Variants in ADGRA2 observed in about 807,000 individuals in gnomAD.
ADGRA2 encodes the protein G-protein coupled receptor 124.
Under a neutral mutation model 98.7 loss-of-function variants are expected in ADGRA2, and 61 were observed. That is an observed-to-expected ratio of 0.62 (90% confidence interval 0.50 to 0.76). ADGRA2 has a LOEUF of 0.76. ADGRA2 is among the 30% of genes least tolerant of loss of function. ADGRA2 has a pLI of 0.00. For synonymous variants in ADGRA2, 858 were observed against 831.5 expected (o/e 1.03, Z -0.55); for missense variants, 1,712 against 1,860.0 (o/e 0.92, Z 1.46).
rs536977880 is a variant in ADGRA2 at position 37,809,629 on chromosome 8, G to A, written c.267-5267G>A. On this transcript the variant is annotated intron_variant, in intron 1 of 18. Transcript: ENST00000412232. ...GCCTTTGCCTGGTGCCTGCATCTGCGAGTGGGTCAGAGGGTGGGGCATCAG... is the reference window on the plus strand; with the variant it reads ...GCCTTTGCCTGGTGCCTGCATCTGCAAGTGGGTCAGAGGGTGGGGCATCAG... 3.9e-5 allele frequency among the ~76,000 whole-genome samples: 6 copies of A among 152,222 alleles called. 1 individual carries two copies. Among genetic ancestry groups the A allele is most frequent in the East Asian group, 3.8e-4 (2 of 5,198 alleles).
At chr8:37,817,846 G>A (rs1455152119) in intron 2 of ADGRA2, among the ~76,000 whole-genome samples, 1 of 152,126 alleles carries the variant, frequency 6.6e-6, no homozygotes, top group African/African-American at 2.4e-5. Flanking sequence ...GTGAAACCCT[G>A]TCTCTACTAA....
chr8:37,835,492 C>A, intron 12 of ADGRA2, 62 bp from the exon 13 acceptor site: 2 of 1,489,444 alleles, frequency 1.3e-6, no homozygotes. Flanking sequence ...GAGGAGGGGG[C>A]TGCAAGACAT....
rs1419926014 is a variant in ADGRA2 at position 37,844,801 on chromosome 8, C to T, written c.*2446C>T. 1.2e-6 allele frequency: 2 copies of T among 1,614,056 alleles called. No homozygotes were observed. The highest frequency in any genetic ancestry group is 8.5e-7 in the Non-Finnish European group (1 of 1,180,046). On this transcript the variant is annotated 3_prime_UTR_variant, in exon 19 of 19. Coordinates refer to ENST00000412232, the MANE Select transcript of ADGRA2 (RefSeq NM_032777.10). The stretch of plus-strand genomic sequence containing the variant: ...TCCTTCTCTCGGGTCTCCACTTCTG[C>T]TGTCCCATCCCGAAAGGCAGAGCGG...
At chr8:37,820,805 C>G (rs550488154) in intron 2 of ADGRA2, among the ~76,000 whole-genome samples, 1 of 151,922 alleles carries the variant, frequency 6.6e-6, no homozygotes, top group Non-Finnish European at 1.5e-5. Context: ...AGTAGATCTG[C>G]GTGGTATCTG....
chr8:37,829,066 C>G (rs1196287671), intron 3 of ADGRA2, 107 bp downstream of exon 3: 4 of 859,174 alleles, frequency 4.7e-6, no homozygotes, highest in African/African-American at 1.7e-5. Context: ...ACACCTGCCC[C>G]TCCTTTCCGC....
In ADGRA2 at chr8:37,822,672, G is replaced by T. The variant is rs566843490; in HGVS notation, c.339-6216G>T. Among the ~76,000 whole-genome samples, 28 of 152,194 alleles carry T rather than the reference G, an allele frequency of 1.8e-4. 1 individual carries two copies. The South Asian group carries it at 5.6e-3, about 30-fold the overall frequency. ...ACCACTAATCTGCTTTCTGTCTATA[G>T]ATCTATAAATCTGCCTGTTCTGGAC... On this transcript the variant is annotated intron_variant, in intron 2 of 18. Transcript: ENST00000412232.
intron 1 of ADGRA2, among the ~76,000 whole-genome samples, chr8:37,808,408 A>G (rs1804738561): frequency 6.6e-6 from 1 of 152,166 alleles, no homozygotes; most frequent in Non-Finnish European, 1.5e-5. Flanking sequence ...TGGGGGTTGA[A>G]GAGGGCCGAG....
chr8:37,809,541 A>C (rs1804768079), intron 1 of ADGRA2, among the ~76,000 whole-genome samples: 1 of 152,220 alleles, frequency 6.6e-6, no homozygotes, highest in Non-Finnish European at 1.5e-5. Flanking sequence ...AATCTGCCTG[A>C]GGTCTTTCCA....
intron 17 of ADGRA2, 146 bp downstream of exon 17, chr8:37,840,412 G>A: frequency 1.2e-6 from 1 of 843,802 alleles, no homozygotes; most frequent in Non-Finnish European, 1.9e-6. Context: ...AGACTCAGCA[G>A]GTCACACAAG....
chr8:37,800,810 ATTTATTTAT>A (rs1366836515), intron 1 of ADGRA2, among the ~76,000 whole-genome samples: 3 of 152,076 alleles, frequency 2.0e-5, no homozygotes, highest in African/African-American at 4.8e-5. Context: ...TTCGTACTTT[ATTTATTTAT>A]TTTTTCCTGC....
chr8:37,841,466 G>C lies in ADGRA2; in HGVS notation c.3128G>C (p.Arg1043Pro). Residue 1043 changes from arginine to proline, a missense_variant, in exon 19 of 19, where the codon CGC (arginine) becomes CCC (proline). Physicochemically the swap from Arg to Pro is moderately radical, Grantham distance 103 (BLOSUM62 -2). Coordinates refer to ENST00000412232, the MANE Select transcript of ADGRA2 (RefSeq NM_032777.10). The surrounding 1 kb of genome is among the most constrained non-coding windows in gnomAD (Gnocchi z 5.0). ...WACGALAVSQRWLPRVVCSCL... is the reference protein window; with the variant it reads ...WACGALAVSQPWLPRVVCSCL... Reference sequence around the variant, plus strand: ...TGCGGGGCTCTGGCAGTGTCCCAGCGCTGGCTGCCCCGGGTGGTGTGCAGC... The same window carrying C: ...TGCGGGGCTCTGGCAGTGTCCCAGCCCTGGCTGCCCCGGGTGGTGTGCAGC... 1 of 1,613,018 alleles carries C rather than the reference G, an allele frequency of 6.2e-7. No homozygotes were observed. Among genetic ancestry groups the C allele is most frequent in the South Asian group, 1.1e-5 (1 of 90,996 alleles).
chr8:37,798,249 G>A (rs1424154934), intron 1 of ADGRA2, among the ~76,000 whole-genome samples: 1 of 152,236 alleles, frequency 6.6e-6, no homozygotes, highest in African/African-American at 2.4e-5. Flanking sequence ...TCTCCTGGAA[G>A]TAACTCGAGC....
At position 37,841,823 on chromosome 8, in the gene ADGRA2, C is replaced by G. The variant is rs1257884306; in HGVS notation, c.3485C>G (p.Ala1162Gly). Residue 1162 changes from alanine (A) to glycine (G), a missense_variant, in exon 19 of 19, where the codon GCG (alanine) becomes GGG (glycine). Coordinates refer to ENST00000412232, the MANE Select transcript of ADGRA2 (RefSeq NM_032777.10). The surrounding 1 kb of genome is among the most constrained non-coding windows in gnomAD (Gnocchi z 5.0). ...AAGGEGEPEP[A>G]GTRGNLAHRH... ...GGCGGGGAAGGAGAGCCGGAGCCGG[C>G]GGGCACCCGGGGAAACCTCGCCCAC... 5.9e-6 allele frequency: 9 copies of G among 1,529,776 alleles called. No individual in the cohort carries two copies. The highest frequency in any genetic ancestry group is 7.0e-6 in the Non-Finnish European group (8 of 1,144,018). The allele number at this position is 1,529,776 out of a possible 1,614,324, so 94.8% of individuals were successfully genotyped here. A position where few individuals can be genotyped will look rare whatever the true frequency, so the allele number is the denominator to read the frequency against.
chr8:37,838,753 G>A (rs981332903), intron 14 of ADGRA2, among the ~76,000 whole-genome samples: 1 of 152,192 alleles, frequency 6.6e-6, no homozygotes, highest in African/African-American at 2.4e-5. Context: ...AAGCAGGACT[G>A]GAGGCAGGGA....
intron 1 of ADGRA2, among the ~76,000 whole-genome samples, chr8:37,813,899 A>C (rs1804911182): frequency 6.6e-6 from 1 of 151,488 alleles, no homozygotes; most frequent in South Asian, 2.1e-4. Flanking sequence ...GTTCCTTCCC[A>C]CTTCCCCCTC....
Position 37,830,128 on chromosome 8 carries a change from T to G in ADGRA2, c.718+114T>G. 2.1e-5 allele frequency: 13 copies of G among 620,076 alleles called. No individual in the cohort carries two copies. The highest frequency in any genetic ancestry group is 3.2e-5 in the Non-Finnish European group (12 of 373,704). 38.4% of individuals were successfully genotyped at this position (620,076 alleles called of 1,614,324 possible). A position where few individuals can be genotyped will look rare whatever the true frequency, so the allele number is the denominator to read the frequency against. ...CAGGTTTTTACCTTTGTATTGCAAT[T>G]TGCAAAAGACCACGACACTGAGTCC... is the stretch of plus-strand genomic sequence containing the variant. On this transcript the variant is annotated intron_variant, in intron 6 of 18. Coordinates refer to ENST00000412232, the MANE Select transcript of ADGRA2 (RefSeq NM_032777.10). The surrounding 1 kb of genome is among the most constrained non-coding windows in gnomAD (Gnocchi z 4.8).
At chr8:37,826,326 C>A (rs1350526100) in intron 2 of ADGRA2, among the ~76,000 whole-genome samples, 1 of 151,978 alleles carries the variant, frequency 6.6e-6, no homozygotes, top group Admixed American at 6.5e-5. Flanking sequence ...TGGGGTCTGG[C>A]GGCAAAACGG....
Position 37,829,576 on chromosome 8 carries a change from A to G in ADGRA2, c.554+17A>G. On this transcript the variant is annotated intron_variant, in intron 5 of 18. Transcript: ENST00000412232. ...TAAGGTTGTGTGAGTATCTCTTCCT[A>G]GCTCAAGGACCCAGACCCCTGTCCC... 1.9e-6 allele frequency: 3 copies of G among 1,573,430 alleles called. No homozygotes were observed. The highest frequency in any genetic ancestry group is 2.7e-5 in the African/African-American group (2 of 74,132).
chr8:37,828,088 G>T (rs988478835), intron 2 of ADGRA2, among the ~76,000 whole-genome samples: 14 of 152,014 alleles, frequency 9.2e-5, no homozygotes, highest in African/African-American at 3.4e-4. Context: ...GTTACAATGA[G>T]CCATGATCAC....
Sources: gnomAD v4.1 joint callset for allele counts (sites outside exome capture counted in the v4.1 genomes callset) on GRCh38, gnomAD v4.1.1 for gene constraint, Gnocchi (gnomAD v3.1) non-coding constraint, MANE v1.5 for transcripts, NCBI Gene and HGNC (gene_info 2026-07-23, HGNC 2026-07-21) for gene names.